SDK1: variants seen among roughly 807,000 people sequenced by gnomAD.
SDK1 encodes protein sidekick-1.
SDK1 carries 157 observed loss-of-function variants against 245.5 expected under a neutral mutation model. The observed-to-expected ratio is 0.64, with a 90% confidence interval of 0.56 to 0.73. The LOEUF (loss-of-function observed/expected upper bound fraction) is 0.73. Ranked by LOEUF, SDK1 falls within the 30% of genes least tolerant of loss-of-function variation. The probability of loss-of-function intolerance (pLI) is 0.00; values close to 1 mark genes in which losing one functional copy is unlikely to be tolerated. For missense variants in SDK1, 3,583 were observed against 3,002.3 expected, an observed-to-expected ratio of 1.19 and a Z score of -4.52; for synonymous variants, 1,647 against 1,278.5, an observed-to-expected ratio of 1.29 and a Z score of -6.15.
At chr7:3,309,978 G>A (rs151212289) in intron 1 of SDK1, among the ~76,000 whole-genome samples, 1 of 152,240 alleles carries the variant, frequency 6.6e-6, no homozygotes, top group East Asian at 1.9e-4. Flanking sequence ...GGAGTCCTGG[G>A]GTATCACAGT....
At chr7:3,740,600 T>C (rs556372975) in intron 4 of SDK1, among the ~76,000 whole-genome samples, 2 of 152,194 alleles carry the variant, frequency 1.3e-5, no homozygotes, top group Non-Finnish European at 2.9e-5. Flanking sequence ...CCTTAGTGGC[T>C]TCAAGGCTAT....
chr7:3,308,753 A>T (rs1779480489), intron 1 of SDK1, among the ~76,000 whole-genome samples: 1 of 152,084 alleles, frequency 6.6e-6, no homozygotes, highest in South Asian at 2.1e-4. Context: ...GTCTTTGTGC[A>T]GTGTTTGGTT....
chr7:4,132,448 G>C (rs370492127), intron 28 of SDK1, 25 bp downstream of exon 28: 4 of 1,541,782 alleles, frequency 2.6e-6, no homozygotes, highest in Non-Finnish European at 3.6e-6. Flanking sequence ...GTGGCCGGGC[G>C]TGGTGGCTCA....
At chr7:3,749,817 A>G (rs550236894) in intron 4 of SDK1, among the ~76,000 whole-genome samples, 5 of 152,238 alleles carry the variant, frequency 3.3e-5, no homozygotes, top group African/African-American at 1.2e-4. Flanking sequence ...CCAAGGCAGA[A>G]GCTGTCTTGG....
chr7:3,996,274 T>G (rs981563711), intron 14 of SDK1, among the ~76,000 whole-genome samples: 24 of 152,238 alleles, frequency 1.6e-4, no homozygotes, highest in African/African-American at 5.8e-4. Flanking sequence ...GCCAGTTTTA[T>G]AGTATTTTAA....
rs746015793 is a variant in SDK1 at position 3,967,276 on chromosome 7, C to G, written c.1430-42C>G. ...CTCTGCCAGGCTGATGTGAGCCTCT[C>G]AGGAACAAGGCCCTGATCATTTCAT... On this transcript the variant is annotated intron_variant, in intron 9 of 44. Coordinates refer to ENST00000404826, the MANE Select transcript of SDK1 (RefSeq NM_152744.4). 6 of 1,501,348 alleles carry G rather than the reference C, an allele frequency of 4.0e-6. No individual in the cohort carries two copies. In the South Asian group the frequency reaches 4.5e-5, roughly 11 times the overall value. 93.0% of individuals were successfully genotyped at this position (1,501,348 alleles called of 1,614,324 possible). A position where few individuals can be genotyped will look rare whatever the true frequency, so the allele number is the denominator to read the frequency against.
intron 4 of SDK1, among the ~76,000 whole-genome samples, chr7:3,696,136 C>T (rs1784566747): frequency 6.6e-6 from 1 of 152,124 alleles, no homozygotes; most frequent in Non-Finnish European, 1.5e-5. Context: ...CCTCTTGCTC[C>T]CATGTCTTTA....
chr7:4,144,052 G>T (rs916110119), intron 28 of SDK1, among the ~76,000 whole-genome samples: 6 of 151,370 alleles, frequency 4.0e-5, no homozygotes, highest in Non-Finnish European at 8.8e-5. Flanking sequence ...CTCTCACTGT[G>T]CAAGGGTCGG....
intron 42 of SDK1, among the ~76,000 whole-genome samples, chr7:4,238,432 C>T (rs1315435682): frequency 6.6e-6 from 1 of 152,038 alleles, no homozygotes; most frequent in Non-Finnish European, 1.5e-5. Context: ...GGAATGGTGG[C>T]TTATGCCTGT....
intron 25 of SDK1, among the ~76,000 whole-genome samples, chr7:4,123,385 T>G (rs1784189676): frequency 1.3e-5 from 2 of 152,166 alleles, no homozygotes; most frequent in South Asian, 4.1e-4. Flanking sequence ...GGTCCCAGTT[T>G]ATCAAACTTT....
intron 5 of SDK1, among the ~76,000 whole-genome samples, chr7:3,837,385 A>T (rs774766462): frequency 1.3e-5 from 2 of 152,068 alleles, no homozygotes; most frequent in Admixed American, 6.6e-5. Flanking sequence ...CCCTTTCCCC[A>T]GTTTAAACAG....
intron 2 of SDK1, among the ~76,000 whole-genome samples, chr7:3,629,683 A>C (rs987315073): frequency 9.9e-5 from 15 of 152,236 alleles, no homozygotes; most frequent in African/African-American, 2.9e-4. Flanking sequence ...CAATATCTTC[A>C]CAGTATCAGA....
chr7:3,736,385 C>T (rs569582050), intron 4 of SDK1, among the ~76,000 whole-genome samples: 21 of 152,250 alleles, frequency 1.4e-4, no homozygotes, highest in South Asian at 2.1e-4. Flanking sequence ...CTCTGCCTCC[C>T]GGGTTCACGC....
Position 4,174,313 on chromosome 7 carries a change from C to A in SDK1, c.4892C>A (p.Ala1631Asp), listed in dbSNP as rs948023364. The change falls in exon 33 of 45, where the codon GCC becomes GAC. Residue 1631 changes from alanine to aspartate, a missense_variant. Transcript: ENST00000404826. Reference protein sequence around the residue: ...LEYEAGSGTEAKTLKNPIALH... With the variant: ...LEYEAGSGTEDKTLKNPIALH... ...TATGAAGCCGGGTCAGGCACTGAGG[C>A]CAAGACGCTCAAAAACCCTATAGCT... is the stretch of plus-strand genomic sequence containing the variant. 6.2e-7 allele frequency: 1 copy of A among 1,613,752 alleles called. No homozygotes were observed. The highest frequency in any genetic ancestry group is 1.7e-5 in the Admixed American group (1 of 60,004).
intron 4 of SDK1, among the ~76,000 whole-genome samples, chr7:3,804,904 G>C (rs1201010442): frequency 2.6e-5 from 4 of 152,158 alleles, no homozygotes; most frequent in Middle Eastern, 3.2e-3. Context: ...TGAGATATTG[G>C]TCGAAGGACA....
intron 26 of SDK1, chr7:4,129,657 T>C (rs2128198239): frequency 7.3e-7 from 1 of 1,370,716 alleles, no homozygotes; most frequent in South Asian, 1.7e-5. Context: ...TTGCAGATTA[T>C]GACCAGGCAG....
At chr7:3,949,159 C>T (rs1780695201) in intron 5 of SDK1, among the ~76,000 whole-genome samples, 1 of 152,136 alleles carries the variant, frequency 6.6e-6, no homozygotes. Context: ...TTCGAGGGTC[C>T]GCTGCAGAGT....
At chr7:3,363,958 T>C (rs1380959391) in intron 1 of SDK1, among the ~76,000 whole-genome samples, 1 of 152,208 alleles carries the variant, frequency 6.6e-6, no homozygotes, top group African/African-American at 2.4e-5. Flanking sequence ...TCCTCATCAT[T>C]ATTTGGTGTT....
At chr7:3,315,245 A>G (rs1779636677) in intron 1 of SDK1, among the ~76,000 whole-genome samples, 1 of 152,208 alleles carries the variant, frequency 6.6e-6, no homozygotes, top group African/African-American at 2.4e-5. Context: ...AGAGTGTACT[A>G]GCTTGTTTTT....
Sources: allele counts gnomAD v4.1 joint callset (sites outside exome capture counted in the v4.1 genomes callset), GRCh38; gene constraint gnomAD v4.1.1; transcripts MANE v1.5; gene names NCBI Gene and HGNC (gene_info 2026-07-23, HGNC 2026-07-21).